SEC24D: variants seen among roughly 807,000 people sequenced by gnomAD.
SEC24D encodes protein transport protein Sec24D.
In SEC24D, 69 loss-of-function variants were observed where a neutral mutation model predicts 116.9. The observed-to-expected ratio is 0.59, with a 90% CI of 0.49 to 0.72. The LOEUF (loss-of-function observed/expected upper bound fraction) is 0.72, where lower values mean the gene tolerates loss of function less well. Ranked by LOEUF, SEC24D falls within the 30% of genes least tolerant of loss-of-function variation. The probability of loss-of-function intolerance (pLI) is 0.00; values close to 1 mark genes in which losing one functional copy is unlikely to be tolerated. For missense variants in SEC24D, 1,131 were observed against 1,264.1 expected (o/e 0.89, Z 1.60); for synonymous variants, 405 against 442.8 (o/e 0.91, Z 1.07).
In SEC24D at chr4:118,764,787, T is replaced by G. The variant is rs750985694; in HGVS notation, c.1296+15A>C. The G allele has an allele frequency of 7.2e-7, 1 of 1,381,892 alleles. No homozygotes were observed. The highest frequency in any genetic ancestry group is 1.0e-6 in the Non-Finnish European group (1 of 972,052). 85.6% of individuals were successfully genotyped at this position (1,381,892 alleles called of 1,614,324 possible). A position where few individuals can be genotyped will look rare whatever the true frequency, so the allele number is the denominator to read the frequency against. Reference sequence around the variant, plus strand: ...ACATCAATGTATAAACACTTGAAGTTCTGGGAACACTTACTCTGCAATAAT... The same window carrying G: ...ACATCAATGTATAAACACTTGAAGTGCTGGGAACACTTACTCTGCAATAAT... On this transcript the variant is annotated intron_variant, in intron 10 of 22. Transcript: ENST00000280551.
At chr4:118,740,573 C>T in intron 17 of SEC24D, 90 bp downstream of exon 17, 2 of 1,411,468 alleles carry the variant, frequency 1.4e-6, no homozygotes, top group Non-Finnish European at 2.0e-6. Context: ...TATGAAGAGA[C>T]TAACACATTT....
intron 3 of SEC24D, among the ~76,000 whole-genome samples, chr4:118,822,227 T>C (rs771341194): frequency 1.3e-4 from 20 of 152,202 alleles, no homozygotes; most frequent in Non-Finnish European, 2.2e-4. Flanking sequence ...AAAATCGTCA[T>C]GAGGAAACCG....
At position 118,731,432 on chromosome 4, in the gene SEC24D, T is replaced by C. The variant is rs1333781972; in HGVS notation, c.2752A>G (p.Ile918Val). Reference sequence around the variant, plus strand: ...TGTAGACCATTAGCCAGTAAGAATATTCCTTCTTCTGAAAGACGGGACTCA... The same window carrying C: ...TGTAGACCATTAGCCAGTAAGAATACTCCTTCTTCTGAAAGACGGGACTCA... ...CSESRLSEEGIFLLANGLHMF... is the reference protein window; with the variant it reads ...CSESRLSEEGVFLLANGLHMF... Residue 918 changes from isoleucine (I) to valine (V), a missense_variant, in exon 21 of 23, where the codon ATA becomes GTA. Physicochemically the swap from Ile to Val is conservative, Grantham distance 29. Coordinates refer to ENST00000280551, the MANE Select transcript of SEC24D (RefSeq NM_014822.4). 4 of 1,613,938 alleles carry C rather than the reference T, an allele frequency of 2.5e-6. No individual in the cohort carries two copies. Among genetic ancestry groups the C allele is most frequent in the African/African-American group, 2.7e-5 (2 of 74,926 alleles).
chr4:118,757,612 T>C (rs1727163978), intron 11 of SEC24D, 109 bp downstream of exon 11: 11 of 887,990 alleles, frequency 1.2e-5, no homozygotes, highest in Non-Finnish European at 1.9e-5. Context: ...AATTACCCAG[T>C]GTCCTCATTA....
At chr4:118,758,727 T>C (rs1382823208) in intron 10 of SEC24D, 1 of 152,210 alleles carries the variant, frequency 6.6e-6, no homozygotes, top group Non-Finnish European at 1.5e-5. Flanking sequence ...TAAAATTAGA[T>C]GACAATGTCT....
intron 11 of SEC24D, among the ~76,000 whole-genome samples, chr4:118,755,970 A>C (rs1156273801): frequency 6.6e-6 from 1 of 152,130 alleles, no homozygotes; most frequent in Non-Finnish European, 1.5e-5. Flanking sequence ...ATAAAGTTAT[A>C]ATGACACCAA....
chr4:118,816,660 T>C, intron 4 of SEC24D: 1 of 290,008 alleles, frequency 3.4e-6, no homozygotes. Flanking sequence ...TTCAGAAAAC[T>C]AATTTTAAGT....
At chr4:118,802,630 G>A (rs527557226) in intron 7 of SEC24D, among the ~76,000 whole-genome samples, 2 of 152,328 alleles carry the variant, frequency 1.3e-5, no homozygotes, top group African/African-American at 4.8e-5. Context: ...AGGCTAAGGA[G>A]AGAGAACGAT....
rs372610032 is a variant in SEC24D, at chr4:118,817,441, A to G, written c.249-29T>C. On this transcript the variant is annotated intron_variant, in intron 3 of 22. Coordinates refer to ENST00000280551, the MANE Select transcript of SEC24D (RefSeq NM_014822.4). ...AGAGAGGAAAACAGGATGTCAAACA[A>G]TATCACAGCGTCTCAAGCAAATGGC... The G allele has an allele frequency of 4.4e-6, 7 of 1,588,020 alleles. No individual in the cohort carries two copies. In the Middle Eastern group the frequency reaches 5.1e-4, roughly 115 times the overall value.
At chr4:118,817,489 T>C in intron 3 of SEC24D, 77 bp from the exon 4 acceptor site, 1 of 1,265,938 alleles carries the variant, frequency 7.9e-7, no homozygotes, top group Non-Finnish European at 1.1e-6. Flanking sequence ...TAATAGCTTG[T>C]AAAATTAAAT....
chr4:118,755,463 A>C (rs1379168032), intron 11 of SEC24D, among the ~76,000 whole-genome samples: 1 of 145,300 alleles, frequency 6.9e-6, no homozygotes, highest in East Asian at 2.0e-4. Flanking sequence ...AAACAAACAG[A>C]CAAAAAAAAA....
At position 118,805,878 on chromosome 4, in the gene SEC24D, G is replaced by A. The variant is rs377693234; in HGVS notation, c.878C>T (p.Pro293Leu). ...YATNTRGQIP[P>L]LVTTDCMIQD... is the part of the protein sequence containing the mutation. The stretch of plus-strand genomic sequence containing the variant: ...TATCATGCAATCTGTAGTGACCAGG[G>A]GAGGGATCTGGCCTCTGGTGTTGGT... The change falls in exon 7 of 23, where the codon CCC (proline) becomes CTC (leucine). Residue 293 changes from proline (P) to leucine (L), a missense_variant. Physicochemically the swap from Pro to Leu is moderately conservative, Grantham distance 98. Transcript: ENST00000280551. 7 of 1,588,124 alleles carry A rather than the reference G, an allele frequency of 4.4e-6. No homozygotes were observed. In the African/African-American group the frequency reaches 9.5e-5, roughly 22 times the overall value.
At chr4:118,768,072 A>T in intron 9 of SEC24D, 101 bp downstream of exon 9, 1 of 973,188 alleles carries the variant, frequency 1.0e-6, no homozygotes, top group East Asian at 2.5e-5. Context: ...AGGTACTGCT[A>T]TATAGCAGAA....
At chr4:118,815,426 T>C in intron 5 of SEC24D, 25 bp downstream of exon 5, 1 of 1,611,802 alleles carries the variant, frequency 6.2e-7, no homozygotes. Context: ...ACACAAAGCC[T>C]TCCCCTGCAC....
chr4:118,794,353 T>C (rs1241419329), intron 8 of SEC24D, among the ~76,000 whole-genome samples: 1 of 152,174 alleles, frequency 6.6e-6, no homozygotes, highest in Non-Finnish European at 1.5e-5. Context: ...ATTTCATGCA[T>C]ATTTGACCCA....
chr4:118,818,689 C>T (rs1313228973), intron 3 of SEC24D, among the ~76,000 whole-genome samples: 2 of 151,508 alleles, frequency 1.3e-5, no homozygotes, highest in African/African-American at 2.4e-5. Flanking sequence ...TATCGGTAGC[C>T]GGAATTGACT....
intron 6 of SEC24D, among the ~76,000 whole-genome samples, chr4:118,807,209 T>C (rs114544767): frequency 0.044 from 6,655 of 152,316 alleles, 203 homozygotes; most frequent in Non-Finnish European, 0.064. Flanking sequence ...ATGTGGTTTT[T>C]GCCCGCTGCA....
intron 2 of SEC24D, among the ~76,000 whole-genome samples, chr4:118,830,645 AT>A (rs55741628): frequency 6.7e-5 from 10 of 149,666 alleles, no homozygotes; most frequent in Admixed American, 4.0e-4. Flanking sequence ...GCCAATTAAA[AT>A]TTTTTTTTTT....
At chr4:118,801,175 T>C (rs925446501) in intron 7 of SEC24D, among the ~76,000 whole-genome samples, 3 of 149,836 alleles carry the variant, frequency 2.0e-5, no homozygotes, top group Non-Finnish European at 3.0e-5. Flanking sequence ...GGCAGGAGAA[T>C]GGCGTGAACC....
Sources: allele counts gnomAD v4.1 joint callset (sites outside exome capture counted in the v4.1 genomes callset), GRCh38; gene constraint gnomAD v4.1.1; transcripts MANE v1.5; gene names NCBI Gene and HGNC (gene_info 2026-07-23, HGNC 2026-07-21).